Variants in FOCAD observed in about 807,000 individuals in gnomAD.
FOCAD encodes KIAA1797.
FOCAD carries 198 observed loss-of-function variants against 225.6 expected under a neutral mutation model. That is an observed-to-expected ratio of 0.88 (90% CI 0.78 to 0.99). The LOEUF is 0.99. Among genes scored for constraint, FOCAD ranks in the 50% least tolerant of loss-of-function variants. The pLI is 0.00. For synonymous variants in FOCAD, 897 were observed against 755.0 expected (o/e 1.19, Z -3.08); for missense variants, 2,713 against 2,123.6 (o/e 1.28, Z -5.46).
At chr9:20,810,585 A>T (rs1196802855) in intron 11 of FOCAD, among the ~76,000 whole-genome samples, 1 of 152,262 alleles carries the variant, frequency 6.6e-6, no homozygotes, top group South Asian at 2.1e-4. Flanking sequence ...TGTAAGTTTC[A>T]GAATGTTAGC....
intron 11 of FOCAD, among the ~76,000 whole-genome samples, chr9:20,814,747 A>AACAAGTT (rs1300145930): frequency 6.6e-6 from 1 of 152,120 alleles, no homozygotes; most frequent in African/African-American, 2.4e-5. Flanking sequence ...TTAAGCTGAT[A>AACAAGTT]ACAAGTTACA....
Position 20,835,851 on chromosome 9 carries a change from A to G in FOCAD, c.1920+12736A>G, listed in dbSNP as rs550885405. Among the ~76,000 whole-genome samples, 3 of 152,112 alleles carry G rather than the reference A, an allele frequency of 2.0e-5. No homozygotes were observed. The South Asian group carries it at 6.2e-4, about 32-fold the overall frequency. The stretch of plus-strand genomic sequence containing the variant: ...CTCTTTCATCTTGCCCAGCTCCAAG[A>G]GGGTGCTATATTTTCAAAGCCAAGC... On this transcript the variant is annotated intron_variant, in intron 15 of 43. Transcript: ENST00000338382.
Position 20,724,082 on chromosome 9 carries a change from T to TA in FOCAD, c.287+3550dup, listed in dbSNP as rs547047628. Among the ~76,000 whole-genome samples the TA allele has an allele frequency of 5.3e-5, 8 of 152,340 alleles. No homozygotes were observed. The East Asian group carries it at 1.5e-3, about 29-fold the overall frequency. On this transcript the variant is annotated intron_variant, in intron 4 of 43. Coordinates refer to ENST00000338382, the MANE Select transcript of FOCAD (RefSeq NM_001375567.1). ...CAAGGGGATGGTAGTAAATCATTCA[T>TA]AAGGGATCTGCCTCCCGTAATTCAT...
chr9:20,991,812 C>A (rs1278935042), intron 42 of FOCAD, among the ~76,000 whole-genome samples: 341 of 105,880 alleles, frequency 3.2e-3, no homozygotes, highest in African/African-American at 4.8e-3. Flanking sequence ...GACTCTGTCT[C>A]AAAAAAAAAA....
intron 11 of FOCAD, among the ~76,000 whole-genome samples, chr9:20,817,363 T>A (rs1823834597): frequency 6.6e-6 from 1 of 152,104 alleles, no homozygotes. Flanking sequence ...ACTGCCTGTT[T>A]CACCCTTCCT....
At chr9:20,912,050 A>C (rs1425599125) in intron 22 of FOCAD, among the ~76,000 whole-genome samples, 2 of 152,128 alleles carry the variant, frequency 1.3e-5, no homozygotes, top group African/African-American at 4.8e-5. Context: ...GCTGGTGAGA[A>C]TATGAAGTAA....
intron 2 of FOCAD, among the ~76,000 whole-genome samples, chr9:20,679,231 G>C (rs939328189): frequency 6.6e-6 from 1 of 151,186 alleles, no homozygotes. Flanking sequence ...GTTGGCTTTT[G>C]TAAGAACTTT....
At chr9:20,812,996 C>G (rs777461208) in intron 11 of FOCAD, among the ~76,000 whole-genome samples, 1 of 151,990 alleles carries the variant, frequency 6.6e-6, no homozygotes, top group African/African-American at 2.4e-5. Context: ...GACTGAAACT[C>G]TATACTCATT....
At chr9:20,681,039 C>T (rs1822384572), upstream of FOCAD, among the ~76,000 whole-genome samples, 1 of 152,104 alleles carries the variant, frequency 6.6e-6, no homozygotes, top group Non-Finnish European at 1.5e-5. Flanking sequence ...CCCTGCCCAA[C>T]CACAGCCCCC....
chr9:20,748,212 T>A (rs974132003), intron 5 of FOCAD, among the ~76,000 whole-genome samples: 2 of 152,070 alleles, frequency 1.3e-5, no homozygotes, highest in East Asian at 3.8e-4. Flanking sequence ...AATAATTAAT[T>A]TTATTTTTAT....
At position 20,770,171 on chromosome 9, in the gene FOCAD, T is replaced by G. The variant is rs1818052089; in HGVS notation, c.839T>G (p.Leu280Ter). 1 of 1,613,992 alleles carries G rather than the reference T, an allele frequency of 6.2e-7. No individual in the cohort carries two copies. Among genetic ancestry groups the G allele is most frequent in the South Asian group, 1.1e-5 (1 of 91,086 alleles). Residue 280 changes from leucine to a stop codon, truncating the protein, a stop_gained, in exon 8 of 44, where the codon TTA (leucine) becomes TGA (stop). Coordinates refer to ENST00000338382, the MANE Select transcript of FOCAD (RefSeq NM_001375567.1). LOFTEE classifies it high-confidence loss of function. ...CTGCTGTGTGTCAGTGAAGTCAGCT[T>G]AAAGATAACTGGTGAATGTTCATCT... is the stretch of plus-strand genomic sequence containing the variant. ...LQLLCVSEVS[L>*]KITGECSSSI...
intron 24 of FOCAD, 28 bp downstream of exon 24, chr9:20,916,965 C>T: frequency 1.3e-6 from 2 of 1,567,688 alleles, no homozygotes; most frequent in East Asian, 2.3e-5. Context: ...TTTTATCAAA[C>T]ATTTTTTATA....
chr9:20,759,314 C>G (rs1829351835), intron 6 of FOCAD, among the ~76,000 whole-genome samples: 1 of 152,130 alleles, frequency 6.6e-6, no homozygotes, highest in African/African-American at 2.4e-5. Context: ...TCAAACTATA[C>G]TACAAGGCTA....
intron 7 of FOCAD, among the ~76,000 whole-genome samples, chr9:20,767,447 T>C (rs1245706596): frequency 6.8e-6 from 1 of 147,822 alleles, no homozygotes; most frequent in Admixed American, 6.7e-5. Context: ...ACCAACAGTG[T>C]AAAAGTGTTC....
At chr9:20,987,550 C>T (rs1841302499) in intron 40 of FOCAD, among the ~76,000 whole-genome samples, 2 of 151,884 alleles carry the variant, frequency 1.3e-5, no homozygotes, top group African/African-American at 2.4e-5. Context: ...TCCCCTGTGG[C>T]AGTCTGAAAC....
chr9:20,923,053 T>C (rs1172324479), intron 24 of FOCAD, among the ~76,000 whole-genome samples: 2 of 152,196 alleles, frequency 1.3e-5, no homozygotes. Flanking sequence ...AACAGCCCTT[T>C]TTCATTTGCA....
intron 1 of FOCAD, among the ~76,000 whole-genome samples, chr9:20,687,995 G>C (rs1246337920): frequency 1.3e-5 from 2 of 152,182 alleles, no homozygotes; most frequent in Non-Finnish European, 2.9e-5. Flanking sequence ...CTGGGCACAA[G>C]AAAGCAGTGA....
At chr9:20,903,768 T>C (rs1587558358) in intron 21 of FOCAD, among the ~76,000 whole-genome samples, 1 of 151,954 alleles carries the variant, frequency 6.6e-6, no homozygotes, top group East Asian at 1.9e-4. Flanking sequence ...AACAAACCAT[T>C]TTAAAGTGTG....
At chr9:20,743,916 G>T (rs776376980) in intron 5 of FOCAD, among the ~76,000 whole-genome samples, 1 of 152,090 alleles carries the variant, frequency 6.6e-6, no homozygotes, top group East Asian at 1.9e-4. Context: ...TGTCTATTTG[G>T]GTGGCAAGAA....
Sources: allele counts gnomAD v4.1 joint callset (sites outside exome capture counted in the v4.1 genomes callset), GRCh38; gene constraint gnomAD v4.1.1; transcripts MANE v1.5; gene names NCBI Gene and HGNC (gene_info 2026-07-23, HGNC 2026-07-21).